Variants in CLMP observed in about 807,000 individuals in gnomAD.
The protein encoded by CLMP is CXADR-like membrane protein.
A neutral mutation model predicts 45.2 loss-of-function variants in CLMP; 27 were observed. That is an observed-to-expected ratio of 0.60 (90% CI 0.44 to 0.82). The LOEUF (loss-of-function observed/expected upper bound fraction) is 0.82, where lower values mean the gene tolerates loss of function less well. CLMP is among the 40% of genes least tolerant of loss of function. The pLI is 0.00. For synonymous variants in CLMP, 167 were observed against 171.4 expected (o/e 0.97, Z 0.20); for missense variants, 403 against 448.4 (o/e 0.90, Z 0.91).
chr11:123,097,148 G>C (rs191261785), intron 2 of CLMP, among the ~76,000 whole-genome samples: 5 of 151,834 alleles, frequency 3.3e-5, no homozygotes, highest in African/African-American at 1.2e-4. Flanking sequence ...CACTGCACCC[G>C]GCCTGACAAC....
chr11:123,167,345 G>C (rs893460790), intron 1 of CLMP, among the ~76,000 whole-genome samples: 1 of 152,034 alleles, frequency 6.6e-6, no homozygotes, highest in Non-Finnish European at 1.5e-5. Context: ...GAACGCAGTG[G>C]CACGATCTTG....
At chr11:123,105,714 G>A (rs1413699706) in intron 1 of CLMP, among the ~76,000 whole-genome samples, 8 of 151,820 alleles carry the variant, frequency 5.3e-5, no homozygotes, top group Non-Finnish European at 1.2e-4. Flanking sequence ...ATAGGTGTGA[G>A]CCACTGTGCC....
intron 1 of CLMP, among the ~76,000 whole-genome samples, chr11:123,112,842 T>C (rs903040674): frequency 1.3e-4 from 20 of 148,392 alleles, no homozygotes; most frequent in African/African-American, 4.5e-4. Flanking sequence ...GGCGCAATCT[T>C]GGCTCACTGC....
intron 1 of CLMP, among the ~76,000 whole-genome samples, chr11:123,150,080 C>G (rs1299296616): frequency 6.6e-6 from 1 of 151,834 alleles, no homozygotes; most frequent in Non-Finnish European, 1.5e-5. Flanking sequence ...GCTGAGATTA[C>G]AGGTATGAGA....
Position 123,083,136 on chromosome 11 carries a change from C to G in CLMP, c.628G>C (p.Ala210Pro). 2.5e-6 allele frequency: 4 copies of G among 1,614,166 alleles called. No homozygotes were observed. The highest frequency in any genetic ancestry group is 3.4e-6 in the Non-Finnish European group (4 of 1,180,024). Residue 210 changes from alanine (A) to proline (P), a missense_variant, in exon 5 of 7, where the codon GCA (alanine) becomes CCA (proline). Transcript: ENST00000448775. ...CTTTCCTTCCCAGCTTCGTTGCCTG[C>G]TGTGCACTGGTACAGTCCAGAGTAG... ...MSYSGLYQCTAGNEAGKESCV... is the reference protein window; with the variant it reads ...MSYSGLYQCTPGNEAGKESCV...
chr11:123,192,132 A>G (rs1226744119), intron 1 of CLMP, among the ~76,000 whole-genome samples: 1 of 152,218 alleles, frequency 6.6e-6, no homozygotes, highest in Non-Finnish European at 1.5e-5. Context: ...AGAATTAGAA[A>G]GAAGCATGGG....
At chr11:123,085,819 C>T (rs1311338419) in intron 2 of CLMP, among the ~76,000 whole-genome samples, 21 of 150,226 alleles carry the variant, frequency 1.4e-4, no homozygotes, top group African/African-American at 4.4e-4. Flanking sequence ...TCTTGTCGCC[C>T]GGTCTGGAGT....
chr11:123,117,173 TC>T (rs1860731167), intron 1 of CLMP, among the ~76,000 whole-genome samples: 1 of 152,120 alleles, frequency 6.6e-6, no homozygotes, highest in African/African-American at 2.4e-5. Flanking sequence ...CTGATAATAC[TC>T]TGAAAATTGT....
intron 1 of CLMP, among the ~76,000 whole-genome samples, chr11:123,155,942 A>G: frequency 1.3e-5 from 2 of 152,230 alleles, no homozygotes; most frequent in South Asian, 2.1e-4. Flanking sequence ...CTTCCTGCCA[A>G]CAACCAAAAC....
chr11:123,101,611 G>A (rs1866061436), intron 1 of CLMP, among the ~76,000 whole-genome samples: 1 of 152,228 alleles, frequency 6.6e-6, no homozygotes, highest in Non-Finnish European at 1.5e-5. Context: ...AGAGGCATCT[G>A]AAACGGCCTT....
intron 1 of CLMP, among the ~76,000 whole-genome samples, chr11:123,159,697 T>C (rs1180757222): frequency 6.6e-6 from 1 of 151,950 alleles, no homozygotes; most frequent in Admixed American, 6.5e-5. Context: ...GGAAGGGTGG[T>C]TTTTGGAGGA....
intron 1 of CLMP, among the ~76,000 whole-genome samples, chr11:123,118,987 TTCTTTCTTTCTTTCTC>T (rs1565387864): frequency 8.2e-4 from 29 of 35,214 alleles, no homozygotes; most frequent in Admixed American, 1.5e-3. Context: ...CTTTCTTTCT[TTCTTTCTTTCTTTCTC>T]TCTCTCTCTC....
intron 2 of CLMP, among the ~76,000 whole-genome samples, chr11:123,087,719 G>T (rs911329198): frequency 6.6e-6 from 1 of 151,236 alleles, no homozygotes; most frequent in Non-Finnish European, 1.5e-5. Context: ...TACTAAAGAG[G>T]CTGAGGCAGA....
At chr11:123,135,993 A>G (rs1861065562) in intron 1 of CLMP, 8 of 565,426 alleles carry the variant, frequency 1.4e-5, no homozygotes, top group South Asian at 1.0e-4. Flanking sequence ...GATAAATTCT[A>G]TTGCTTCTTC....
intron 1 of CLMP, among the ~76,000 whole-genome samples, chr11:123,104,044 G>T (rs1481304326): frequency 1.3e-5 from 2 of 149,412 alleles, no homozygotes; most frequent in African/African-American, 4.9e-5. Flanking sequence ...TGGCCAAGCT[G>T]GTTTCAAACT....
chr11:123,125,253 CTA>C (rs1860872090), intron 1 of CLMP, among the ~76,000 whole-genome samples: 1 of 152,122 alleles, frequency 6.6e-6, no homozygotes, highest in Non-Finnish European at 1.5e-5. Flanking sequence ...TTGTTCTGGG[CTA>C]TGTCCCAAAT....
At chr11:123,126,029 CA>C (rs1221386937) in intron 1 of CLMP, among the ~76,000 whole-genome samples, 5 of 152,320 alleles carry the variant, frequency 3.3e-5, no homozygotes, top group Admixed American at 3.3e-4. Flanking sequence ...ATGTGCTACT[CA>C]CACTGCTCAT....
chr11:123,162,791 G>A (rs10892976), intron 1 of CLMP, among the ~76,000 whole-genome samples: 91,143 of 151,256 alleles, frequency 0.6, 27,684 homozygotes, highest in South Asian at 0.7. Flanking sequence ...AGTCCCAGCT[G>A]CTTGGGGGGC....
intron 1 of CLMP, among the ~76,000 whole-genome samples, chr11:123,160,433 TTAA>T (rs1008601449): frequency 6.6e-6 from 1 of 152,146 alleles, no homozygotes; most frequent in African/African-American, 2.4e-5. Context: ...ACTGCACTTA[TTAA>T]TGATTTCCTA....
Sources: allele counts gnomAD v4.1 joint callset (sites outside exome capture counted in the v4.1 genomes callset), GRCh38; gene constraint gnomAD v4.1.1; transcripts MANE v1.5; gene names NCBI Gene and HGNC (gene_info 2026-07-23, HGNC 2026-07-21).